CCDC60: variants seen among roughly 807,000 people sequenced by gnomAD.
CCDC60 encodes the protein coiled-coil domain containing 60.
A neutral mutation model predicts 63.5 loss-of-function variants in CCDC60; 54 were observed. The ratio of observed to expected loss-of-function variants is 0.85; its 90% CI spans 0.68 to 1.07. The LOEUF (loss-of-function observed/expected upper bound fraction) is 1.07, where lower values mean the gene tolerates loss of function less well. Ranked by LOEUF, CCDC60 falls within the 50% of genes least tolerant of loss-of-function variation. The pLI, the probability that CCDC60 is intolerant of heterozygous loss-of-function variation, is 0.00. For missense variants in CCDC60, 651 were observed against 684.3 expected, an observed-to-expected ratio of 0.95 and a Z score of 0.54; for synonymous variants, 206 against 238.8, an observed-to-expected ratio of 0.86 and a Z score of 1.27.
intron 2 of CCDC60, among the ~76,000 whole-genome samples, chr12:119,450,968 C>G (rs1950624281): frequency 2.0e-5 from 3 of 151,956 alleles, no homozygotes; most frequent in Admixed American, 6.6e-5. Context: ...AGGGAAGCAT[C>G]ATTGGGAGAA....
At chr12:119,402,074 T>A (rs745788560) in intron 1 of CCDC60, among the ~76,000 whole-genome samples, 3 of 152,156 alleles carry the variant, frequency 2.0e-5, no homozygotes, top group Admixed American at 1.3e-4. Flanking sequence ...TTCCTCAGAC[T>A]CATGAAAAAA....
intron 2 of CCDC60, among the ~76,000 whole-genome samples, chr12:119,436,980 T>C (rs922427358): frequency 6.6e-6 from 1 of 152,202 alleles, no homozygotes; most frequent in African/African-American, 2.4e-5. Context: ...TTATGTACTC[T>C]TAAAATAATC....
chr12:119,446,978 T>C (rs1478598594), intron 2 of CCDC60, among the ~76,000 whole-genome samples: 2 of 152,032 alleles, frequency 1.3e-5, no homozygotes, highest in South Asian at 4.2e-4. Context: ...TGGGCTAGGA[T>C]TGAGGTAAGG....
intron 1 of CCDC60, among the ~76,000 whole-genome samples, chr12:119,428,235 C>T (rs1444993208): frequency 6.6e-6 from 1 of 152,160 alleles, no homozygotes; most frequent in East Asian, 1.9e-4. Context: ...GCTAAAACCA[C>T]CAATAATAAT....
At chr12:119,438,824 G>A (rs949024823) in intron 2 of CCDC60, among the ~76,000 whole-genome samples, 6 of 152,098 alleles carry the variant, frequency 3.9e-5, no homozygotes, top group Non-Finnish European at 7.4e-5. Flanking sequence ...CTGAGCCTTA[G>A]TTTCTCCTCT....
At chr12:119,434,999 A>G (rs1361227749) in intron 2 of CCDC60, among the ~76,000 whole-genome samples, 4 of 152,240 alleles carry the variant, frequency 2.6e-5, no homozygotes, top group African/African-American at 9.6e-5. Flanking sequence ...AAAGATGACA[A>G]TGGCTTCAAT....
intron 1 of CCDC60, among the ~76,000 whole-genome samples, chr12:119,391,491 A>G (rs1350378499): frequency 1.3e-5 from 2 of 152,242 alleles, no homozygotes; most frequent in African/African-American, 2.4e-5. Flanking sequence ...CCTCATAGCC[A>G]TGTGCCTTTG....
At chr12:119,483,555 G>A (rs1049837439) in intron 4 of CCDC60, among the ~76,000 whole-genome samples, 1 of 152,206 alleles carries the variant, frequency 6.6e-6, no homozygotes, top group Non-Finnish European at 1.5e-5. Context: ...CCTGCAACCT[G>A]TGTCGAGATT....
intron 5 of CCDC60, among the ~76,000 whole-genome samples, chr12:119,495,685 G>T (rs1951702289): frequency 6.6e-6 from 1 of 151,976 alleles, no homozygotes; most frequent in South Asian, 2.1e-4. Flanking sequence ...CTTATCTTGT[G>T]GTACTCCTCC....
chr12:119,436,817 A>G (rs1950335397), intron 2 of CCDC60, among the ~76,000 whole-genome samples: 1 of 152,190 alleles, frequency 6.6e-6, no homozygotes, highest in Non-Finnish European at 1.5e-5. Context: ...GATTACAGGC[A>G]TGAGCCACTG....
chr12:119,534,348 A>G (rs908982474), intron 13 of CCDC60, among the ~76,000 whole-genome samples: 1 of 152,196 alleles, frequency 6.6e-6, no homozygotes, highest in African/African-American at 2.4e-5. Context: ...ATATACAATC[A>G]TGTCATCTGC....
chr12:119,405,657 G>T (rs375868751), intron 1 of CCDC60, among the ~76,000 whole-genome samples: 1 of 152,170 alleles, frequency 6.6e-6, no homozygotes, highest in Non-Finnish European at 1.5e-5. Context: ...CAGGGCAGCC[G>T]TGTCTAACAC....
chr12:119,523,778 G>A lies in CCDC60; in HGVS notation c.1189G>A (p.Ala397Thr), dbSNP rs778774935. The change falls in exon 11 of 14, where the codon GCT becomes ACT. Residue 397 changes from alanine to threonine, a missense_variant. Ala to Thr is a moderately conservative substitution (Grantham distance 58). Coordinates refer to ENST00000327554, the MANE Select transcript of CCDC60 (RefSeq NM_178499.5). ...CAAGTTTTACAGCGTAGCCCAGGAG[G>A]CTGGCTTCTGCCTGCAGGACAAGAT... ...RAKFYSVAQEAGFCLQDKMEI... is the reference protein window; with the variant it reads ...RAKFYSVAQETGFCLQDKMEI... 5 of 1,614,180 alleles carry A rather than the reference G, an allele frequency of 3.1e-6. No individual in the cohort carries two copies. Among genetic ancestry groups the A allele is most frequent in the Non-Finnish European group, 4.2e-6 (5 of 1,180,018 alleles).
intron 1 of CCDC60, among the ~76,000 whole-genome samples, chr12:119,411,578 C>G (rs1156508097): frequency 6.6e-6 from 1 of 151,980 alleles, no homozygotes; most frequent in Non-Finnish European, 1.5e-5. Flanking sequence ...CATCCAAGAC[C>G]CTTGTGATGG....
intron 5 of CCDC60, among the ~76,000 whole-genome samples, chr12:119,497,293 A>G (rs974487363): frequency 1.3e-5 from 2 of 152,230 alleles, no homozygotes; most frequent in Non-Finnish European, 2.9e-5. Context: ...TCCACAAGGT[A>G]TGCAATGGAT....
chr12:119,406,184 T>TAC (rs1956485966), intron 1 of CCDC60, among the ~76,000 whole-genome samples: 2 of 123,514 alleles, frequency 1.6e-5, no homozygotes, highest in Admixed American at 1.8e-4. Flanking sequence ...AAAATATATA[T>TAC]ATATATAGAT....
rs184205832 is a variant in CCDC60 at position 119,457,981 on chromosome 12, G to A, written c.171-14013G>A. Among the ~76,000 whole-genome samples the A allele has an allele frequency of 3.9e-3, 600 of 152,270 alleles. 4 individuals carry two copies. Among genetic ancestry groups the A allele is most frequent in the Non-Finnish European group, 4.1e-3 (277 of 68,022 alleles). On this transcript the variant is annotated intron_variant, in intron 2 of 13. Transcript: ENST00000327554. ...CTTGGTGCTTTTGAACTGGGGCTGCGTTATTAATTTGCCTCTATGGGTTGC... is the reference window on the plus strand; with the variant it reads ...CTTGGTGCTTTTGAACTGGGGCTGCATTATTAATTTGCCTCTATGGGTTGC...
At chr12:119,360,721 T>A (rs1411583508) in intron 1 of CCDC60, among the ~76,000 whole-genome samples, 2 of 151,942 alleles carry the variant, frequency 1.3e-5, no homozygotes, top group Non-Finnish European at 2.9e-5. Context: ...GCTCCTCACT[T>A]CCCAGATGGG....
intron 8 of CCDC60, among the ~76,000 whole-genome samples, chr12:119,519,401 ATGTGTGTG>A (rs141127258): frequency 0.036 from 4,877 of 136,444 alleles, 258 homozygotes; most frequent in African/African-American, 0.11. Context: ...AGTGATATAT[ATGTGTGTG>A]TGTGTGTGTG....
Sources: allele counts gnomAD v4.1 joint callset (sites outside exome capture counted in the v4.1 genomes callset), GRCh38; gene constraint gnomAD v4.1.1; transcripts MANE v1.5; gene names NCBI Gene and HGNC (gene_info 2026-07-23, HGNC 2026-07-21).